The following NUBPL variants were observed in gnomAD, a reference collection of about 807,000 sequenced individuals.
NUBPL encodes NUBP iron-sulfur cluster assembly factor, mitochondrial, also known as iron-sulfur cluster transfer protein NUBPL.
NUBPL carries 31 observed loss-of-function variants against 45.7 expected under a neutral mutation model. The ratio of observed to expected loss-of-function variants is 0.68; its 90% CI spans 0.51 to 0.92. NUBPL has a LOEUF of 0.92. NUBPL is among the 40% of genes least tolerant of loss of function. The probability of loss-of-function intolerance (pLI) is 0.00; values close to 1 mark genes in which losing one functional copy is unlikely to be tolerated. For missense variants in NUBPL, 401 were observed against 398.7 expected, an observed-to-expected ratio of 1.01 and a Z score of -0.05; for synonymous variants, 144 against 140.9, an observed-to-expected ratio of 1.02 and a Z score of -0.15.
intron 4 of NUBPL, among the ~76,000 whole-genome samples, chr14:31,646,195 C>CT (rs962364111): frequency 1.2e-3 from 182 of 151,004 alleles, no homozygotes; most frequent in Non-Finnish European, 1.6e-3. Flanking sequence ...CCTTCCCCCG[C>CT]TTTTTTTTTG....
At chr14:31,710,637 C>A (rs1247389069) in intron 6 of NUBPL, among the ~76,000 whole-genome samples, 1 of 152,188 alleles carries the variant, frequency 6.6e-6, no homozygotes, top group Non-Finnish European at 1.5e-5. Flanking sequence ...GTACTGGAAC[C>A]TTACCCGTGT....
intron 4 of NUBPL, among the ~76,000 whole-genome samples, chr14:31,663,488 A>C (rs1018722874): frequency 6.6e-6 from 1 of 152,174 alleles, no homozygotes; most frequent in African/African-American, 2.4e-5. Context: ...CTGTTTATTA[A>C]ATAGGGAATC....
chr14:31,813,039 C>CA (rs1310871120), intron 7 of NUBPL, among the ~76,000 whole-genome samples: 1 of 143,226 alleles, frequency 7.0e-6, no homozygotes, highest in Non-Finnish European at 1.5e-5. Context: ...GGCTGGAGTG[C>CA]AGTGTAGTGG....
chr14:31,689,840 T>C (rs111766258), intron 6 of NUBPL, among the ~76,000 whole-genome samples: 1,608 of 152,262 alleles, frequency 0.011, 24 homozygotes, highest in African/African-American at 0.037. Flanking sequence ...TTTTTACATA[T>C]CATATAAAGA....
rs192258689 is a variant in NUBPL at position 31,751,519 on chromosome 14, C to T, written c.514-36261C>T. ...TAAAGCTCCAAAATAATCTTTGACT[C>T]CATGTCTCACATTTAGGGCATGCTG... is the stretch of plus-strand genomic sequence containing the variant. On this transcript the variant is annotated intron_variant, in intron 6 of 10. Coordinates refer to ENST00000281081, the MANE Select transcript of NUBPL (RefSeq NM_025152.3). Among the ~76,000 whole-genome samples the T allele has an allele frequency of 1.7e-4, 26 of 152,364 alleles. No individual in the cohort carries two copies. In the East Asian group the frequency reaches 4.4e-3, roughly 26 times the overall value.
At chr14:31,807,542 A>G (rs1286791583) in intron 7 of NUBPL, among the ~76,000 whole-genome samples, 4 of 152,234 alleles carry the variant, frequency 2.6e-5, no homozygotes, top group Admixed American at 2.0e-4. Context: ...AGATGAGTAG[A>G]TTGCAAAAAT....
intron 4 of NUBPL, among the ~76,000 whole-genome samples, chr14:31,644,109 G>C (rs947491836): frequency 6.6e-6 from 1 of 151,436 alleles, no homozygotes; most frequent in African/African-American, 2.4e-5. Context: ...TTGTTTCATT[G>C]ATCTTCTGGG....
At chr14:31,793,880 C>G (rs1257142277) in intron 7 of NUBPL, among the ~76,000 whole-genome samples, 1 of 82,480 alleles carries the variant, frequency 1.2e-5, no homozygotes. Context: ...TCCCTCCCCC[C>G]TCCCCCGACC....
intron 4 of NUBPL, among the ~76,000 whole-genome samples, chr14:31,630,253 A>G (rs2035307831): frequency 1.3e-5 from 2 of 152,134 alleles, no homozygotes; most frequent in Non-Finnish European, 2.9e-5. Context: ...AACCTGTACT[A>G]TTACCTTTGT....
chr14:31,658,764 G>A (rs1489588566), intron 4 of NUBPL, among the ~76,000 whole-genome samples: 2 of 151,942 alleles, frequency 1.3e-5, no homozygotes, highest in Non-Finnish European at 2.9e-5. Context: ...CACCTGCCTC[G>A]GCCTCCCAAA....
chr14:31,818,710 G>A (rs763285254), intron 7 of NUBPL, among the ~76,000 whole-genome samples: 25 of 152,024 alleles, frequency 1.6e-4, no homozygotes, highest in Non-Finnish European at 2.8e-4. Context: ...CACCACGCCC[G>A]GCTAATGTTT....
At chr14:31,639,884 A>T (rs1179542651) in intron 4 of NUBPL, among the ~76,000 whole-genome samples, 1 of 151,960 alleles carries the variant, frequency 6.6e-6, no homozygotes, top group South Asian at 2.1e-4. Context: ...GGATGGGATT[A>T]TATCCAGGTG....
chr14:31,809,448 G>A (rs1313252945), intron 7 of NUBPL, among the ~76,000 whole-genome samples: 2 of 152,030 alleles, frequency 1.3e-5, no homozygotes, highest in Non-Finnish European at 2.9e-5. Context: ...TATTTCTATG[G>A]GATTGGTGGT....
At chr14:31,736,476 T>C (rs2038168322) in intron 6 of NUBPL, among the ~76,000 whole-genome samples, 1 of 152,224 alleles carries the variant, frequency 6.6e-6, no homozygotes, top group South Asian at 2.1e-4. Flanking sequence ...AGATAAAATC[T>C]TTTAATGTCT....
intron 6 of NUBPL, among the ~76,000 whole-genome samples, chr14:31,686,240 A>G (rs577332086): frequency 2.0e-5 from 3 of 152,374 alleles, no homozygotes; most frequent in African/African-American, 7.2e-5. Flanking sequence ...GGTGTGGCAG[A>G]AAGTCCAAAG....
chr14:31,635,674 C>CT (rs1397300337), intron 4 of NUBPL, among the ~76,000 whole-genome samples: 2 of 151,808 alleles, frequency 1.3e-5, no homozygotes, highest in African/African-American at 2.4e-5. Flanking sequence ...TATAAATTCC[C>CT]TTGGGCAGTA....
At chr14:31,776,067 G>C (rs2039093392) in intron 6 of NUBPL, among the ~76,000 whole-genome samples, 1 of 152,100 alleles carries the variant, frequency 6.6e-6, no homozygotes, top group Non-Finnish European at 1.5e-5. Flanking sequence ...CGTGTTCTAA[G>C]TAAATATTTA....
intron 8 of NUBPL, among the ~76,000 whole-genome samples, chr14:31,840,302 G>A (rs1047197285): frequency 5.9e-5 from 9 of 152,134 alleles, no homozygotes; most frequent in African/African-American, 1.2e-4. Context: ...GGCCAGGCGC[G>A]GTGGCTCACA....
At chr14:31,859,071 T>C in intron 10 of NUBPL, 47 bp from the exon 11 acceptor site, 1 of 1,545,946 alleles carries the variant, frequency 6.5e-7, no homozygotes, top group Non-Finnish European at 8.9e-7. Flanking sequence ...AGTCATTCAA[T>C]GTCTGCTGAA....
Sources: allele counts gnomAD v4.1 joint callset (sites outside exome capture counted in the v4.1 genomes callset), GRCh38; gene constraint gnomAD v4.1.1; transcripts MANE v1.5; gene names NCBI Gene and HGNC (gene_info 2026-07-23, HGNC 2026-07-21).